Variants in UNC13A observed in about 807,000 individuals in gnomAD.
The protein encoded by UNC13A is unc-13 homolog A.
In UNC13A, 61 loss-of-function variants were observed where a neutral mutation model predicts 219.7. The observed-to-expected ratio is 0.28, with a 90% confidence interval of 0.23 to 0.34. The LOEUF is 0.34. UNC13A is among the 10% of genes least tolerant of loss of function. The pLI, the probability that UNC13A is intolerant of heterozygous loss-of-function variation, is 1.00. For synonymous variants in UNC13A, 920 were observed against 884.6 expected (o/e 1.04, Z -0.71); for missense variants, 1,476 against 2,270.3 (o/e 0.65, Z 7.11).
At position 17,639,371 on chromosome 19, in the gene UNC13A, T is replaced by C. The variant is rs2076943554; in HGVS notation, c.2946+65A>G. The C allele has an allele frequency of 6.3e-6, 10 of 1,577,286 alleles. No homozygotes were observed. The South Asian group carries it at 1.2e-4, about 18-fold the overall frequency. On this transcript the variant is annotated intron_variant, in intron 24 of 43. Transcript: ENST00000519716. ...CACTCTCCAGGAGGAATGTCACTTGTCCTGGGAGCTGGGGATCCTAGAGAA... is the reference window on the plus strand; with the variant it reads ...CACTCTCCAGGAGGAATGTCACTTGCCCTGGGAGCTGGGGATCCTAGAGAA...
chr19:17,624,992 C>T (rs1459194023), intron 34 of UNC13A, 40 bp from the exon 35 acceptor site: 6 of 1,594,006 alleles, frequency 3.8e-6, no homozygotes, highest in African/African-American at 2.7e-5. Flanking sequence ...GCCCAGCTCG[C>T]CCCCACCCAC....
chr19:17,620,724 T>C lies in UNC13A; in HGVS notation c.4243-2A>G. The C allele has an allele frequency of 6.2e-7, 1 of 1,612,702 alleles. No homozygotes were observed. Among genetic ancestry groups the C allele is most frequent in the Non-Finnish European group, 8.5e-7 (1 of 1,179,538 alleles). ...GTGGCTTGGCAATTTCACCCTGCCCTGTGGAGAGAATCAGGTGGAGGTCAG... is the reference window on the plus strand; with the variant it reads ...GTGGCTTGGCAATTTCACCCTGCCCCGTGGAGAGAATCAGGTGGAGGTCAG... On this transcript the variant is annotated splice_acceptor_variant, in intron 37 of 43. Coordinates refer to ENST00000519716, the MANE Select transcript of UNC13A (RefSeq NM_001080421.3). LOFTEE classifies it high-confidence loss of function.
rs1285603253 is a variant in UNC13A, at chr19:17,601,639, G to C, written c.*4415C>G. The stretch of plus-strand genomic sequence containing the variant: ...CCGGACTGCTTGGCCGGTTTGTGGG[G>C]GTCTGAGGGAGCACGAGACAGGGGT... On this transcript the variant is annotated 3_prime_UTR_variant, in exon 44 of 44. Coordinates refer to ENST00000519716, the MANE Select transcript of UNC13A (RefSeq NM_001080421.3). 6.6e-6 allele frequency: 1 copy of C among 152,230 alleles called. No homozygotes were observed. The highest frequency in any genetic ancestry group is 1.5e-5 in the Non-Finnish European group (1 of 68,046). The allele number at this position is 152,230 out of a possible 1,614,324, so 9.4% of individuals were successfully genotyped here.
intron 43 of UNC13A, among the ~76,000 whole-genome samples, chr19:17,608,271 T>C (rs1296145216): frequency 7.1e-6 from 1 of 140,498 alleles, no homozygotes; most frequent in African/African-American, 2.6e-5. Context: ...ATATAATATA[T>C]ATACTTTTAT....
chr19:17,665,182 A>G (rs1292788993), intron 7 of UNC13A, among the ~76,000 whole-genome samples: 2 of 147,124 alleles, frequency 1.4e-5, no homozygotes, highest in Non-Finnish European at 3.0e-5. Flanking sequence ...TCTGGGTGAC[A>G]GAGGGAGACT....
chr19:17,656,133 C>T lies in UNC13A; in HGVS notation c.1033G>A (p.Glu345Lys), dbSNP rs1380680348. The change falls in exon 10 of 44, where the codon GAG (glutamate) becomes AAG (lysine). Residue 345 changes from glutamate to lysine, a missense_variant. Glu to Lys is a moderately conservative substitution (Grantham distance 56). This residue lies in a region of UNC13A where 351 missense variants were observed against 342.6 expected (regional missense o/e 1.02). Transcript: ENST00000519716. ...EELPEDEEEL[E>K]EEEEEVPDDL... ...TCAGGCACCTCCTCCTCCTCCTCCT[C>T]CAGCTCCTCCTCATCTTCAGGCAGC... The T allele has an allele frequency of 1.9e-6, 3 of 1,552,038 alleles. No homozygotes were observed. Among genetic ancestry groups the T allele is most frequent in the African/African-American group, 1.4e-5 (1 of 73,060 alleles).
chr19:17,632,240 T>C (rs1237423230), intron 28 of UNC13A, among the ~76,000 whole-genome samples: 2 of 152,226 alleles, frequency 1.3e-5, no homozygotes, highest in African/African-American at 4.8e-5. Context: ...AGCTGGGGTT[T>C]CGCCCTATTG....
intron 20 of UNC13A, among the ~76,000 whole-genome samples, chr19:17,641,958 A>G (rs113846894): frequency 4.2e-4 from 64 of 152,046 alleles, no homozygotes; most frequent in African/African-American, 1.5e-3. Flanking sequence ...CCAATTATCA[A>G]TACTTGCAAT....
In UNC13A at chr19:17,601,511, C is replaced by T. The variant is rs1424843948; in HGVS notation, c.*4543G>A. ...AGAGAAATGAAGGCGTCTGTGCAGA[C>T]ACTGGACCGACGGGGTAGAATCAAA... On this transcript the variant is annotated 3_prime_UTR_variant, in exon 44 of 44. Coordinates refer to ENST00000519716, the MANE Select transcript of UNC13A (RefSeq NM_001080421.3). 6.6e-6 allele frequency: 1 copy of T among 152,618 alleles called. No individual in the cohort carries two copies. The highest frequency in any genetic ancestry group is 2.4e-5 in the African/African-American group (1 of 41,444). The allele number at this position is 152,618 out of a possible 1,614,324, so 9.5% of individuals were successfully genotyped here.
intron 43 of UNC13A, among the ~76,000 whole-genome samples, chr19:17,608,381 T>C (rs1342555050): frequency 1.2e-5 from 1 of 85,916 alleles, no homozygotes; most frequent in Non-Finnish European, 2.4e-5. Context: ...TATATGTATA[T>C]AAATATATAT....
Position 17,647,301 on chromosome 19 carries a change from C to G in UNC13A, c.2008G>C (p.Gly670Arg), listed in dbSNP as rs2077037862. 1 of 1,602,148 alleles carries G rather than the reference C, an allele frequency of 6.2e-7. No homozygotes were observed. The highest frequency in any genetic ancestry group is 8.5e-7 in the Non-Finnish European group (1 of 1,174,786). Residue 670 changes from glycine (G) to arginine (R), a missense_variant, in exon 17 of 44, where the codon GGC becomes CGC. Coordinates refer to ENST00000519716, the MANE Select transcript of UNC13A (RefSeq NM_001080421.3). ...ATCTTGGCGGACCACTTGGACGTGC[C>G]GTCCAGCACGCTCTGCTTGACCGCC... Reference protein sequence around the residue: ...MKAVKQSVLDGTSKWSAKISI... With the variant: ...MKAVKQSVLDRTSKWSAKISI...
chr19:17,686,766 T>C (rs2080120402), intron 1 of UNC13A, among the ~76,000 whole-genome samples: 2 of 144,342 alleles, frequency 1.4e-5, no homozygotes, highest in South Asian at 2.4e-4. Context: ...ACTCGGAAGC[T>C]GCCGCGGCGG....
chr19:17,636,000 T>C lies in UNC13A; in HGVS notation c.3215+24A>G, dbSNP rs150681806. ...ATACACACGATGACACCCAGATAAT[T>C]AACTACACAGATACACAACTCACTG... On this transcript the variant is annotated intron_variant, in intron 26 of 43. Transcript: ENST00000519716. 2.7e-4 allele frequency: 434 copies of C among 1,595,240 alleles called. 1 individual carries two copies. In the African/African-American group the frequency reaches 5.3e-3, roughly 20 times the overall value.
rs537128847 is a variant in UNC13A at position 17,627,091 on chromosome 19, AG to A, written c.3921-307del. Among the ~76,000 whole-genome samples the A allele has an allele frequency of 1.1e-4, 17 of 152,016 alleles. No individual in the cohort carries two copies. The East Asian group carries it at 3.3e-3, about 30-fold the overall frequency. ...CCTGTAGTCCCAGCTACTTGAACCCAGGAAGTGGAGGGTGCAGTGAGCCGAG... is the reference window on the plus strand; with the variant it reads ...CCTGTAGTCCCAGCTACTTGAACCCAGAAGTGGAGGGTGCAGTGAGCCGAG... On this transcript the variant is annotated intron_variant, in intron 33 of 43. Coordinates refer to ENST00000519716, the MANE Select transcript of UNC13A (RefSeq NM_001080421.3). The surrounding 1 kb of genome is among the most constrained non-coding windows in gnomAD (Gnocchi z 4.7).
intron 3 of UNC13A, 49 bp from the exon 4 acceptor site, chr19:17,672,544 G>A (rs779812122): frequency 2.2e-5 from 33 of 1,500,506 alleles, no homozygotes; most frequent in Non-Finnish European, 2.8e-5. Context: ...GGAGGAAACG[G>A]GGGCCCAGGG....
rs774787222 is a variant in UNC13A, at chr19:17,641,521, A to G, written c.2508T>C (p.Asn836=). 11 of 1,613,812 alleles carry G rather than the reference A, an allele frequency of 6.8e-6. No individual in the cohort carries two copies. The highest frequency in any genetic ancestry group is 9.3e-6 in the Non-Finnish European group (11 of 1,179,926). Residue 836 remains asparagine, a synonymous_variant, in exon 21 of 44, where the codon AAT becomes AAC. Transcript: ENST00000519716. ...LFHFVTDVQN[N]GVVKIPDAKG... is the part of the protein sequence containing the mutation. Reference sequence around the variant, plus strand: ...TGGCATCTGGGATCTTCACGACCCCATTGTTCTGCACGTCGGTCACGAAGT... The same window carrying G: ...TGGCATCTGGGATCTTCACGACCCCGTTGTTCTGCACGTCGGTCACGAAGT...
Position 17,646,984 on chromosome 19 carries a change from C to T in UNC13A, c.2044+281G>A, listed in dbSNP as rs147066975. Reference sequence around the variant, plus strand: ...AGTCCTTGCCCCTCACCAGGACTTTCTGGGGTCACTTTCCAGATAAACCAT... The same window carrying T: ...AGTCCTTGCCCCTCACCAGGACTTTTTGGGGTCACTTTCCAGATAAACCAT... On this transcript the variant is annotated intron_variant, in intron 17 of 43. Coordinates refer to ENST00000519716, the MANE Select transcript of UNC13A (RefSeq NM_001080421.3). Among the ~76,000 whole-genome samples the T allele has an allele frequency of 5.7e-3, 870 of 152,326 alleles. 9 individuals are homozygous for T. Among genetic ancestry groups the T allele is most frequent in the African/African-American group, 0.02 (825 of 41,580 alleles).
chr19:17,656,044 G>A lies in UNC13A; in HGVS notation c.1122C>T (p.Arg374=), dbSNP rs762149435. ...VAVAEPKDFK[R]ISLPPAAPGK... ...CTGGGGCAGCTGGCGGGAGGCTGAT[G>A]CGTTTGAAGTCTTTGGGCTCAGCCA... is the stretch of plus-strand genomic sequence containing the variant. Residue 374 remains arginine (R), a synonymous_variant, in exon 10 of 44, where the codon CGC becomes CGT. Coordinates refer to ENST00000519716, the MANE Select transcript of UNC13A (RefSeq NM_001080421.3). 9 of 1,561,234 alleles carry A rather than the reference G, an allele frequency of 5.8e-6. No individual in the cohort carries two copies. The South Asian group carries it at 1.1e-4, about 18-fold the overall frequency.
At chr19:17,624,566 AC>A (rs2076762645) in intron 35 of UNC13A, among the ~76,000 whole-genome samples, 1 of 151,966 alleles carries the variant, frequency 6.6e-6, no homozygotes, top group Non-Finnish European at 1.5e-5. Context: ...GATGTCTTTG[AC>A]CCCAGAGAAA....
Sources: allele counts gnomAD v4.1 joint callset (sites outside exome capture counted in the v4.1 genomes callset), GRCh38; gene constraint gnomAD v4.1.1; regional missense constraint gnomAD v4.1.1; non-coding constraint Gnocchi (gnomAD v3.1); transcripts MANE v1.5; gene names NCBI Gene and HGNC (gene_info 2026-07-23, HGNC 2026-07-21).